Variants in HSPG2 observed in about 807,000 individuals in gnomAD.
HSPG2 encodes the protein heparan sulfate proteoglycan 2.
In HSPG2, 278 loss-of-function variants were observed where a neutral mutation model predicts 526.6. The ratio of observed to expected loss-of-function variants is 0.53; its 90% CI spans 0.48 to 0.58. The LOEUF (loss-of-function observed/expected upper bound fraction) is 0.58, where lower values mean the gene tolerates loss of function less well. Ranked by LOEUF, HSPG2 falls within the 20% of genes least tolerant of loss-of-function variation. The pLI is 0.00. For missense variants in HSPG2, 5,354 were observed against 6,099.5 expected, an observed-to-expected ratio of 0.88 and a Z score of 4.07; for synonymous variants, 2,465 against 2,555.4, an observed-to-expected ratio of 0.96 and a Z score of 1.07.
intron 1 of HSPG2, among the ~76,000 whole-genome samples, chr1:21,928,790 C>T (rs564889021): frequency 1.5e-3 from 232 of 150,532 alleles, no homozygotes; most frequent in South Asian, 7.8e-3. Flanking sequence ...GTTCTTGTTG[C>T]TCAGGCTGGA....
rs753225921 is a variant in HSPG2, at chr1:21,896,010, T to C, written c.200-44A>G. 3.1e-6 allele frequency: 5 copies of C among 1,607,066 alleles called. No individual in the cohort carries two copies. The East Asian group carries it at 1.1e-4, about 36-fold the overall frequency. Reference sequence around the variant, plus strand: ...TGTAATCAGCAACAACAAGTATTTGTTGAGTACCTACTGGGTGTCAGGCAC... The same window carrying C: ...TGTAATCAGCAACAACAAGTATTTGCTGAGTACCTACTGGGTGTCAGGCAC... On this transcript the variant is annotated intron_variant, in intron 2 of 96. Coordinates refer to ENST00000374695, the MANE Select transcript of HSPG2 (RefSeq NM_005529.7).
rs1345675245 is a variant in HSPG2, at chr1:21,847,431, C to T, written c.8087G>A (p.Cys2696Tyr). The change falls in exon 62 of 97, where the codon TGC (cysteine) becomes TAC (tyrosine). Residue 2696 changes from cysteine (C) to tyrosine (Y), a missense_variant. By Grantham distance (194) the Cys-to-Tyr change is radical. Coordinates refer to ENST00000374695, the MANE Select transcript of HSPG2 (RefSeq NM_005529.7). The surrounding 1 kb of genome is among the most constrained non-coding windows in gnomAD (Gnocchi z 4.1). ...GGCATCGATGTTGTTGTTGGCCCGG[C>T]ACACATACTCGCCCGAGTCAGCCAC... Reference protein sequence around the residue: ...MSVADSGEYVCRANNNIDALE... With the variant: ...MSVADSGEYVYRANNNIDALE... 6.2e-7 allele frequency: 1 copy of T among 1,613,936 alleles called. No homozygotes were observed. The highest frequency in any genetic ancestry group is 1.1e-5 in the South Asian group (1 of 91,082).
intron 65 of HSPG2, 84 bp from the exon 66 acceptor site, chr1:21,843,522 C>T (rs1275080858): frequency 6.9e-6 from 10 of 1,439,226 alleles, no homozygotes; most frequent in Non-Finnish European, 8.6e-6. Context: ...CCTGGGACTG[C>T]CATGCACAGA....
intron 1 of HSPG2, among the ~76,000 whole-genome samples, chr1:21,926,466 G>C (rs12129910): frequency 1.1e-4 from 17 of 152,114 alleles, no homozygotes; most frequent in Non-Finnish European, 1.9e-4. Flanking sequence ...GAAAGTGATA[G>C]AGGCTGCTGG....
rs1311275682 is a variant in HSPG2, at chr1:21,880,780, C to T, written c.1874G>A (p.Gly625Asp). The change falls in exon 15 of 97, where the codon GGC (glycine) becomes GAC (aspartate). Residue 625 changes from glycine to aspartate, a missense_variant. Coordinates refer to ENST00000374695, the MANE Select transcript of HSPG2 (RefSeq NM_005529.7). Reference protein sequence around the residue: ...RYNVRYELARGMLEPVQRPDV... With the variant: ...RYNVRYELARDMLEPVQRPDV... ...CGGCCGCTGCACTGGCTCCAGCATG[C>T]CACGGGCCAACTCGTAGCGCACGTT... The T allele has an allele frequency of 6.3e-7, 1 of 1,599,282 alleles. No homozygotes were observed. The highest frequency in any genetic ancestry group is 8.5e-7 in the Non-Finnish European group (1 of 1,173,690).
rs1439245269 is a variant in HSPG2, at chr1:21,847,922, C to T, written c.7873+36G>A. The stretch of plus-strand genomic sequence containing the variant: ...GGGGACCTCTCTGCCACCCTCTGCG[C>T]CACTTGTCTGTACCCCCTGCCCTCT... On this transcript the variant is annotated intron_variant, in intron 60 of 96. Coordinates refer to ENST00000374695, the MANE Select transcript of HSPG2 (RefSeq NM_005529.7). The surrounding 1 kb of genome is among the most constrained non-coding windows in gnomAD (Gnocchi z 4.1). 1 of 1,613,836 alleles carries T rather than the reference C, an allele frequency of 6.2e-7. No individual in the cohort carries two copies. The highest frequency in any genetic ancestry group is 8.5e-7 in the Non-Finnish European group (1 of 1,180,010).
chr1:21,934,443 G>A (rs569268622), intron 1 of HSPG2, among the ~76,000 whole-genome samples: 3 of 152,298 alleles, frequency 2.0e-5, no homozygotes, highest in South Asian at 2.1e-4. Flanking sequence ...GCCAGAAACC[G>A]CAGCCCAGAG....
intron 21 of HSPG2, among the ~76,000 whole-genome samples, chr1:21,877,746 C>T (rs181345208): frequency 1.1e-4 from 17 of 152,298 alleles, no homozygotes; most frequent in Non-Finnish European, 1.6e-4. Flanking sequence ...GATCCACCCA[C>T]CTCAGCCTCC....
intron 91 of HSPG2, among the ~76,000 whole-genome samples, chr1:21,827,044 C>CA (rs1405880113): frequency 6.6e-6 from 1 of 151,790 alleles, no homozygotes; most frequent in Non-Finnish European, 1.5e-5. Flanking sequence ...CCCATCCCTA[C>CA]AAAAAATACA....
At chr1:21,903,352 G>C (rs1049001239) in intron 1 of HSPG2, among the ~76,000 whole-genome samples, 1 of 152,200 alleles carries the variant, frequency 6.6e-6, no homozygotes, top group African/African-American at 2.4e-5. Flanking sequence ...TGTAGTCCCC[G>C]CACTTTGGGA....
chr1:21,905,373 C>A (rs1466507045), intron 1 of HSPG2, among the ~76,000 whole-genome samples: 1 of 152,194 alleles, frequency 6.6e-6, no homozygotes, highest in East Asian at 1.9e-4. Flanking sequence ...TCAAACACAC[C>A]AAGCCCCCTG....
At chr1:21,877,797 C>T (rs1016583568) in intron 21 of HSPG2, among the ~76,000 whole-genome samples, 5 of 152,192 alleles carry the variant, frequency 3.3e-5, no homozygotes, top group South Asian at 2.1e-4. Context: ...TGCGCCCGGC[C>T]GATGCTCCCA....
rs1340053140 is a variant in HSPG2 at position 21,824,189 on chromosome 1, A to G, written c.12831T>C (p.Ser4277=). 7 of 1,613,578 alleles carry G rather than the reference A, an allele frequency of 4.3e-6. No homozygotes were observed. The highest frequency in any genetic ancestry group is 5.9e-6 in the Non-Finnish European group (7 of 1,180,004). ...GHLVFRYQLG[S]GEARLVSEDP... ...CCTCAGAGACCAGGCGGGCCTCCCC[A>G]CTACCCAGCTGGTACCTGCAGTCAT... The change falls in exon 95 of 97, where the codon AGT becomes AGC. Residue 4277 remains serine (S), a synonymous_variant. Coordinates refer to ENST00000374695, the MANE Select transcript of HSPG2 (RefSeq NM_005529.7). The surrounding 1 kb of genome is among the most constrained non-coding windows in gnomAD (Gnocchi z 5.9).
rs949471932 is a variant in HSPG2 at position 21,822,569 on chromosome 1, G to T, written c.*747C>A. 7 of 313,632 alleles carry T rather than the reference G, an allele frequency of 2.2e-5. No homozygotes were observed. Among genetic ancestry groups the T allele is most frequent in the African/African-American group, 1.1e-4 (5 of 46,368 alleles). The allele number at this position is 313,632 out of a possible 1,614,324, so 19.4% of individuals were successfully genotyped here. A position where few individuals can be genotyped will look rare whatever the true frequency, so the allele number is the denominator to read the frequency against. On this transcript the variant is annotated 3_prime_UTR_variant, in exon 97 of 97. Coordinates refer to ENST00000374695, the MANE Select transcript of HSPG2 (RefSeq NM_005529.7). ...GGGGATGTGGCCTGGGGTGGGCGGG[G>T]CCCGGTGGGCGGGGCCCTATCAGTG...
At chr1:21,875,383 C>A (rs1466343311) in intron 25 of HSPG2, among the ~76,000 whole-genome samples, 1 of 152,112 alleles carries the variant, frequency 6.6e-6, no homozygotes, top group Non-Finnish European at 1.5e-5. Flanking sequence ...CATGGCCCCT[C>A]CCCCCTCCTG....
chr1:21,831,615 T>G (rs1339276583), intron 82 of HSPG2, 37 bp downstream of exon 82: 2 of 1,613,002 alleles, frequency 1.2e-6, no homozygotes, highest in South Asian at 2.2e-5. Context: ...AAGGGCGGGA[T>G]GAGGGCTGGA....
At position 21,875,008 on chromosome 1, in the gene HSPG2, C is replaced by T. The variant is rs370006237; in HGVS notation, c.3303-6G>A. 47 of 1,582,812 alleles carry T rather than the reference C, an allele frequency of 3.0e-5. No homozygotes were observed. Among genetic ancestry groups the T allele is most frequent in the African/African-American group, 3.0e-4 (22 of 74,450 alleles). ...CCATGCTGATGCCAGAGACCCTGGG[C>T]GTGACAAGACCCAGCGTGAATAGGA... On this transcript the variant is annotated splice_region_variant and splice_polypyrimidine_tract_variant and intron_variant, in intron 25 of 96. Coordinates refer to ENST00000374695, the MANE Select transcript of HSPG2 (RefSeq NM_005529.7).
rs553324300 is a variant in HSPG2 at position 21,904,698 on chromosome 1, C to T, written c.64-8388G>A. Among the ~76,000 whole-genome samples, 2 of 152,180 alleles carry T rather than the reference C, an allele frequency of 1.3e-5. No homozygotes were observed. The highest frequency in any genetic ancestry group is 2.4e-5 in the African/African-American group (1 of 41,450). On this transcript the variant is annotated intron_variant, in intron 1 of 96. Transcript: ENST00000374695. This position sits in a 1 kb window ranked among gnomAD's most constrained non-coding sequence, Gnocchi z 4.4. ...GCCAAGGCGGTGGGGGTGGCCTAAG[C>T]GGGAACAGCTTCTGGACTGGGCTGC... is the stretch of plus-strand genomic sequence containing the variant.
At chr1:21,909,966 C>A (rs547038478) in intron 1 of HSPG2, among the ~76,000 whole-genome samples, 9 of 152,234 alleles carry the variant, frequency 5.9e-5, no homozygotes, top group Non-Finnish European at 1.0e-4. Flanking sequence ...ACGTTGCTCA[C>A]GCAGAACTTG....
Sources: gnomAD v4.1 joint callset for allele counts (sites outside exome capture counted in the v4.1 genomes callset) on GRCh38, gnomAD v4.1.1 for gene constraint, Gnocchi (gnomAD v3.1) non-coding constraint, MANE v1.5 for transcripts, NCBI Gene and HGNC (gene_info 2026-07-23, HGNC 2026-07-21) for gene names.